ADAM12: variants seen among roughly 807,000 people sequenced by gnomAD.
ADAM12 encodes disintegrin and metalloproteinase domain-containing protein 12.
A neutral mutation model predicts 106.4 loss-of-function variants in ADAM12; 70 were observed. That is an observed-to-expected ratio of 0.66 (90% confidence interval 0.54 to 0.80). The LOEUF (loss-of-function observed/expected upper bound fraction) is 0.80. Among genes scored for constraint, ADAM12 ranks in the 30% least tolerant of loss-of-function variants. ADAM12 has a pLI of 0.00. For missense variants in ADAM12, 1,010 were observed against 1,171.9 expected (o/e 0.86, Z 2.02); for synonymous variants, 420 against 433.5 (o/e 0.97, Z 0.39).
At chr10:126,193,130 T>C (rs576182725) in intron 3 of ADAM12, among the ~76,000 whole-genome samples, 179 of 152,058 alleles carry the variant, frequency 1.2e-3, no homozygotes, top group Non-Finnish European at 2.1e-3. Context: ...CCGGGTGTGA[T>C]GGCCTGTGCC....
At chr10:126,239,714 G>T (rs1049223379) in intron 3 of ADAM12, among the ~76,000 whole-genome samples, 10 of 152,184 alleles carry the variant, frequency 6.6e-5, no homozygotes, top group African/African-American at 2.4e-4. Flanking sequence ...GCAACTTTTT[G>T]ATCACAAATC....
At chr10:126,348,363 T>A (rs1435994741) in intron 1 of ADAM12, among the ~76,000 whole-genome samples, 1 of 152,078 alleles carries the variant, frequency 6.6e-6, no homozygotes, top group Non-Finnish European at 1.5e-5. Context: ...GATATCAGGC[T>A]TTGAATGGGC....
chr10:126,048,771 G>A (rs1410205694), intron 16 of ADAM12, among the ~76,000 whole-genome samples: 1 of 149,232 alleles, frequency 6.7e-6, no homozygotes, highest in African/African-American at 2.5e-5. Flanking sequence ...ATATCTCCAT[G>A]TATCTTTCTC....
chr10:126,170,213 C>T (rs1042074224), intron 3 of ADAM12, among the ~76,000 whole-genome samples: 2 of 152,140 alleles, frequency 1.3e-5, no homozygotes, highest in African/African-American at 2.4e-5. Flanking sequence ...TGTGTTAGAT[C>T]AAATTTGCTC....
At chr10:126,371,231 C>G (rs952324912) in intron 1 of ADAM12, among the ~76,000 whole-genome samples, 1 of 152,206 alleles carries the variant, frequency 6.6e-6, no homozygotes. Flanking sequence ...ACAGAAACCA[C>G]ACAGGCAAAA....
intron 18 of ADAM12, among the ~76,000 whole-genome samples, chr10:126,040,315 C>G (rs1379327117): frequency 2.0e-5 from 3 of 152,214 alleles, no homozygotes; most frequent in Non-Finnish European, 4.4e-5. Flanking sequence ...CAGCAAGGAT[C>G]AGGGTGTACT....
intron 3 of ADAM12, among the ~76,000 whole-genome samples, chr10:126,251,613 CATGGATAGATGA>C (rs1958757433): frequency 6.7e-6 from 1 of 148,686 alleles, no homozygotes; most frequent in South Asian, 2.1e-4. Context: ...TGGATGGATG[CATGGATAGATGA>C]ATGGATGGGA....
At chr10:126,193,789 C>T (rs1205628599) in intron 3 of ADAM12, among the ~76,000 whole-genome samples, 10 of 151,956 alleles carry the variant, frequency 6.6e-5, no homozygotes, top group Admixed American at 2.0e-4. Flanking sequence ...CCCAGCTACT[C>T]GGTAGGCTGA....
chr10:126,050,470 A>G (rs1954452785), intron 14 of ADAM12, among the ~76,000 whole-genome samples: 2 of 152,226 alleles, frequency 1.3e-5, no homozygotes, highest in African/African-American at 4.8e-5. Flanking sequence ...ATTCTTTAGA[A>G]CAAACCATGC....
At chr10:126,166,645 T>A (rs2133753552) in intron 3 of ADAM12, among the ~76,000 whole-genome samples, 1 of 152,216 alleles carries the variant, frequency 6.6e-6, no homozygotes, top group South Asian at 2.1e-4. Context: ...ACTACAGGCA[T>A]GTGCCACCAC....
At position 126,221,354 on chromosome 10, in the gene ADAM12, G is replaced by T. The variant is rs375842688; in HGVS notation, c.260+57561C>A. Among the ~76,000 whole-genome samples the T allele has an allele frequency of 1.4e-3, 190 of 138,794 alleles. 3 individuals are homozygous for T. The South Asian group carries it at 0.041, about 30-fold the overall frequency. 91.1% of individuals were successfully genotyped at this position (138,794 alleles called of 152,430 possible). A position where few individuals can be genotyped will look rare whatever the true frequency, so the allele number is the denominator to read the frequency against. On this transcript the variant is annotated intron_variant, in intron 3 of 22. Coordinates refer to ENST00000448723, the MANE Select transcript of ADAM12 (RefSeq NM_001288973.2). Reference sequence around the variant, plus strand: ...GCAGTGAGCTGAGATTGTGTCACTGGACTCCAGCCTGGGCAACAGAGCAAG... The same window carrying T: ...GCAGTGAGCTGAGATTGTGTCACTGTACTCCAGCCTGGGCAACAGAGCAAG...
At chr10:126,201,114 G>A (rs558333564) in intron 3 of ADAM12, among the ~76,000 whole-genome samples, 1 of 152,242 alleles carries the variant, frequency 6.6e-6, no homozygotes, top group Non-Finnish European at 1.5e-5. Context: ...ACAACGGAGT[G>A]AGAAAAAGGG....
chr10:126,199,307 G>A (rs568143479), intron 3 of ADAM12, among the ~76,000 whole-genome samples: 51 of 152,252 alleles, frequency 3.3e-4, no homozygotes, highest in African/African-American at 1.2e-3. Flanking sequence ...AATCACCATC[G>A]AGATCAGCGG....
At chr10:126,130,568 G>A (rs1240029846) in intron 5 of ADAM12, among the ~76,000 whole-genome samples, 1 of 152,210 alleles carries the variant, frequency 6.6e-6, no homozygotes, top group East Asian at 1.9e-4. Context: ...GTCTGTGCCT[G>A]CTCCTGGGGA....
intron 1 of ADAM12, 150 bp downstream of exon 1, chr10:126,387,908 T>A (rs2133946389): frequency 9.9e-7 from 1 of 1,005,346 alleles, no homozygotes; most frequent in African/African-American, 1.8e-5. Flanking sequence ...GGGGTCGGTC[T>A]CGCCGCGCTG....
At chr10:126,127,155 G>A (rs918439862) in intron 5 of ADAM12, among the ~76,000 whole-genome samples, 3 of 152,132 alleles carry the variant, frequency 2.0e-5, no homozygotes, top group African/African-American at 4.8e-5. Flanking sequence ...GAGTTTACCC[G>A]GATGTCCAAA....
chr10:126,223,438 A>G (rs981609654), intron 3 of ADAM12, among the ~76,000 whole-genome samples: 2 of 152,222 alleles, frequency 1.3e-5, no homozygotes, highest in Non-Finnish European at 2.9e-5. Flanking sequence ...TTTGCCATAC[A>G]TAACACACAC....
chr10:126,322,253 T>C (rs559377398), intron 2 of ADAM12, among the ~76,000 whole-genome samples: 6 of 152,316 alleles, frequency 3.9e-5, no homozygotes, highest in African/African-American at 1.2e-4. Flanking sequence ...CAGGTATCAT[T>C]GTGACCTGTG....
At chr10:126,076,507 T>G (rs1955105149) in intron 11 of ADAM12, among the ~76,000 whole-genome samples, 1 of 152,216 alleles carries the variant, frequency 6.6e-6, no homozygotes, top group Admixed American at 6.5e-5. Flanking sequence ...CTTTCCACAG[T>G]GGCTAGCCTT....
Sources: gnomAD v4.1 joint callset for allele counts (sites outside exome capture counted in the v4.1 genomes callset) on GRCh38, gnomAD v4.1.1 for gene constraint, MANE v1.5 for transcripts, NCBI Gene and HGNC (gene_info 2026-07-23, HGNC 2026-07-21) for gene names.